The following MAN1A1 variants were observed in gnomAD, a reference collection of about 807,000 sequenced individuals.
The protein encoded by MAN1A1 is mannosyl-oligosaccharide 1,2-alpha-mannosidase IA.
In MAN1A1, 29 loss-of-function variants were observed where a neutral mutation model predicts 70.8. The ratio of observed to expected loss-of-function variants is 0.41; its 90% CI spans 0.31 to 0.56. The LOEUF is 0.56. Ranked by LOEUF, MAN1A1 falls within the 20% of genes least tolerant of loss-of-function variation. The pLI, the probability that MAN1A1 is intolerant of heterozygous loss-of-function variation, is 0.29. For synonymous variants in MAN1A1, 349 were observed against 330.1 expected (o/e 1.06, Z -0.62); for missense variants, 747 against 841.3 (o/e 0.89, Z 1.39).
At chr6:119,341,684 T>G (rs1201472015) in intron 2 of MAN1A1, among the ~76,000 whole-genome samples, 1 of 152,256 alleles carries the variant, frequency 6.6e-6, no homozygotes, top group East Asian at 1.9e-4. Flanking sequence ...TTATAGAATT[T>G]ATCATAATTA....
intron 8 of MAN1A1, among the ~76,000 whole-genome samples, chr6:119,200,438 T>C (rs1773686038): frequency 6.6e-6 from 1 of 152,130 alleles, no homozygotes; most frequent in Admixed American, 6.5e-5. Flanking sequence ...AACTATTCTT[T>C]AAGAAAAGTA....
chr6:119,274,468 TGTTGATAAA>T (rs937377423), intron 5 of MAN1A1, among the ~76,000 whole-genome samples: 22 of 152,350 alleles, frequency 1.4e-4, no homozygotes, highest in Middle Eastern at 3.4e-3. Context: ...AATTTATGTC[TGTTGATAAA>T]GCCAAAATAT....
chr6:119,229,116 A>T (rs966742946), intron 6 of MAN1A1, among the ~76,000 whole-genome samples: 5 of 152,262 alleles, frequency 3.3e-5, no homozygotes, highest in African/African-American at 1.2e-4. Flanking sequence ...ATTTGAGGCA[A>T]GAACTTTATT....
chr6:119,202,116 T>G (rs6899434), intron 7 of MAN1A1, among the ~76,000 whole-genome samples: 66,572 of 152,006 alleles, frequency 0.44, 15,496 homozygotes, highest in Non-Finnish European at 0.52. Flanking sequence ...AATTTTACTT[T>G]ATAAACTTTT....
chr6:119,348,449 C>A lies in MAN1A1; in HGVS notation c.603+14G>T. On this transcript the variant is annotated intron_variant, in intron 2 of 12. Transcript: ENST00000368468. ...ACGGCCGGTCGGGAGGGATTTCTGG[C>A]GCGGCCCACTCACCTCTTTGATCTT... The A allele has an allele frequency of 2.6e-6, 4 of 1,568,102 alleles. No homozygotes were observed. The highest frequency in any genetic ancestry group is 2.3e-5 in the South Asian group (2 of 86,354).
intron 2 of MAN1A1, among the ~76,000 whole-genome samples, chr6:119,344,736 G>C (rs3798655): frequency 6.6e-6 from 1 of 152,110 alleles, no homozygotes; most frequent in Non-Finnish European, 1.5e-5. Context: ...TACCAAAAGG[G>C]TATAAACTGT....
intron 5 of MAN1A1, among the ~76,000 whole-genome samples, chr6:119,277,442 T>C (rs1409740424): frequency 6.6e-6 from 1 of 152,218 alleles, no homozygotes; most frequent in Non-Finnish European, 1.5e-5. Flanking sequence ...AGGCACCTAA[T>C]TCCCAGACCA....
intron 5 of MAN1A1, among the ~76,000 whole-genome samples, chr6:119,287,784 T>A (rs896397752): frequency 5.9e-5 from 9 of 152,122 alleles, no homozygotes; most frequent in Non-Finnish European, 1.0e-4. Context: ...CTGCTATATT[T>A]ACTATCTCCA....
upstream of MAN1A1, chr6:119,350,567 T>G: frequency 4.1e-6 from 4 of 985,158 alleles, no homozygotes; most frequent in Non-Finnish European, 4.8e-6. Flanking sequence ...AAGACGAGTT[T>G]TATGCTGCGG....
Position 119,189,773 on chromosome 6 carries a change from C to G in MAN1A1, c.1437G>C (p.Gly479=). Reference sequence around the variant, plus strand: ...CATCAGCCCCGAGTGCGAACATGCCCCCCGCGAAGCAGGTCAGGTGGCCCA... The same window carrying G: ...CATCAGCCCCGAGTGCGAACATGCCGCCCGCGAAGCAGGTCAGGTGGCCCA... The part of the protein sequence containing the change: ...HKMGHLTCFA[G]GMFALGADAA... The change falls in exon 10 of 13, where the codon GGG becomes GGC. Residue 479 remains glycine (G), a synonymous_variant. Transcript: ENST00000368468. 1 of 1,614,076 alleles carries G rather than the reference C, an allele frequency of 6.2e-7. No individual in the cohort carries two copies. The highest frequency in any genetic ancestry group is 1.1e-5 in the South Asian group (1 of 91,066).
At chr6:119,258,522 T>C (rs1242393971) in intron 5 of MAN1A1, among the ~76,000 whole-genome samples, 1 of 152,160 alleles carries the variant, frequency 6.6e-6, no homozygotes, top group Non-Finnish European at 1.5e-5. Context: ...TCATGTTATA[T>C]GCAAATACTG....
intron 6 of MAN1A1, among the ~76,000 whole-genome samples, chr6:119,236,148 A>AAAG (rs1305425250): frequency 6.6e-6 from 1 of 151,726 alleles, no homozygotes; most frequent in East Asian, 1.9e-4. Context: ...AAAAAAAAAA[A>AAAG]AAAGAATTAT....
chr6:119,241,334 A>G (rs1208621156), intron 6 of MAN1A1, among the ~76,000 whole-genome samples: 1 of 152,178 alleles, frequency 6.6e-6, no homozygotes, highest in Non-Finnish European at 1.5e-5. Context: ...TGCTTCCCCA[A>G]CAGTGGACCT....
At chr6:119,340,881 G>C (rs1337860972) in intron 2 of MAN1A1, among the ~76,000 whole-genome samples, 2 of 152,208 alleles carry the variant, frequency 1.3e-5, no homozygotes, top group African/African-American at 4.8e-5. Flanking sequence ...AGAGTGATGA[G>C]AAAGCAGCAG....
At chr6:119,307,923 G>A (rs1236301795) in intron 2 of MAN1A1, among the ~76,000 whole-genome samples, 1 of 152,118 alleles carries the variant, frequency 6.6e-6, no homozygotes, top group Non-Finnish European at 1.5e-5. Context: ...ATTGAGATCA[G>A]TATCATTTTA....
At chr6:119,285,577 T>C (rs1315253214) in intron 5 of MAN1A1, among the ~76,000 whole-genome samples, 3 of 151,962 alleles carry the variant, frequency 2.0e-5, no homozygotes, top group Non-Finnish European at 2.9e-5. Context: ...TATATTTTTA[T>C]TTTAAGGTAT....
chr6:119,245,933 C>T (rs141661844), intron 6 of MAN1A1, among the ~76,000 whole-genome samples: 3 of 152,064 alleles, frequency 2.0e-5, no homozygotes, highest in South Asian at 2.1e-4. Context: ...AAATTCTTGA[C>T]AGACATAGGT....
intron 2 of MAN1A1, among the ~76,000 whole-genome samples, chr6:119,311,712 G>A (rs150357886): frequency 6.6e-6 from 1 of 152,250 alleles, no homozygotes; most frequent in East Asian, 1.9e-4. Context: ...CAAGGGAGAG[G>A]TGCATCGGAA....
chr6:119,247,545 A>C (rs923294227), intron 6 of MAN1A1, among the ~76,000 whole-genome samples: 11 of 152,242 alleles, frequency 7.2e-5, no homozygotes, highest in Non-Finnish European at 1.3e-4. Context: ...AAGGAAGCTT[A>C]AGACAAAATC....
Sources: gnomAD v4.1 joint callset for allele counts (sites outside exome capture counted in the v4.1 genomes callset) on GRCh38, gnomAD v4.1.1 for gene constraint, MANE v1.5 for transcripts, NCBI Gene and HGNC (gene_info 2026-07-23, HGNC 2026-07-21) for gene names.